The following MORN5 variants were observed in gnomAD, a reference collection of about 807,000 sequenced individuals.
MORN5 encodes MORN repeat-containing protein 5.
Under a neutral mutation model 22.1 loss-of-function variants are expected in MORN5, and 21 were observed. The ratio of observed to expected loss-of-function variants is 0.95; its 90% CI spans 0.67 to 1.37. The LOEUF is 1.37. MORN5 is among the 40% of genes most tolerant of loss of function. MORN5 has a pLI of 0.00. For synonymous variants in MORN5, 73 were observed against 74.0 expected, an observed-to-expected ratio of 0.99 and a Z score of 0.07; for missense variants, 211 against 215.1, an observed-to-expected ratio of 0.98 and a Z score of 0.12.
In MORN5 at chr9:122,170,697, G is replaced by C. The variant is rs1829352850; in HGVS notation, c.307+941G>C. Among the ~76,000 whole-genome samples the C allele has an allele frequency of 5.9e-5, 9 of 152,288 alleles. No individual in the cohort carries two copies. The South Asian group carries it at 1.9e-3, about 32-fold the overall frequency. On this transcript the variant is annotated intron_variant, in intron 3 of 4. Coordinates refer to ENST00000373764, the MANE Select transcript of MORN5 (RefSeq NM_198469.4). Reference sequence around the variant, plus strand: ...CACTGGTAGCCCAGTCTTCCTCTCTGAGGTCCTCTTTATCATGCTACCTCC... The same window carrying C: ...CACTGGTAGCCCAGTCTTCCTCTCTCAGGTCCTCTTTATCATGCTACCTCC...
intron 4 of MORN5, among the ~76,000 whole-genome samples, chr9:122,175,082 G>C (rs1829429419): frequency 6.6e-6 from 1 of 152,186 alleles, no homozygotes; most frequent in South Asian, 2.1e-4. Context: ...GAAAAACATG[G>C]TCCTGTGGGA....
chr9:122,176,894 A>C (rs1829460177), intron 4 of MORN5, among the ~76,000 whole-genome samples: 1 of 152,178 alleles, frequency 6.6e-6, no homozygotes, highest in South Asian at 2.1e-4. Flanking sequence ...TAAAAAGAAA[A>C]ATGGAAAGAA....
Position 122,197,318 on chromosome 9 carries a change from A to G in MORN5, c.440-2567A>G, listed in dbSNP as rs1829914793. On this transcript the variant is annotated intron_variant, in intron 4 of 4. Transcript: ENST00000373764. This position sits in a 1 kb window ranked among gnomAD's most constrained non-coding sequence, Gnocchi z 5.7. ...CTCCTACCAAAAAAGGGGAGAAATT[A>G]TCTGAGAAGGTGAAGATATTCTCAG... Among the ~76,000 whole-genome samples the G allele has an allele frequency of 6.6e-6, 1 of 152,166 alleles. No homozygotes were observed. Among genetic ancestry groups the G allele is most frequent in the Non-Finnish European group, 1.5e-5 (1 of 68,038 alleles).
At chr9:122,167,482 A>G (rs572738300) in intron 2 of MORN5, among the ~76,000 whole-genome samples, 1 of 149,894 alleles carries the variant, frequency 6.7e-6, no homozygotes, top group Non-Finnish European at 1.5e-5. Context: ...CCTCCTGAGT[A>G]GCTGGGATTA....
rs142423167 is a variant in MORN5, at chr9:122,199,786, G to A, written c.440-99G>A. 1,382 of 1,107,570 alleles carry A rather than the reference G, an allele frequency of 1.2e-3. 22 individuals are homozygous for A. In the East Asian group the frequency reaches 0.029, roughly 23 times the overall value. 68.6% of individuals were successfully genotyped at this position (1,107,570 alleles called of 1,614,324 possible). A position where few individuals can be genotyped will look rare whatever the true frequency, so the allele number is the denominator to read the frequency against. On this transcript the variant is annotated intron_variant, in intron 4 of 4. Coordinates refer to ENST00000373764, the MANE Select transcript of MORN5 (RefSeq NM_198469.4). ...AAAACTACACAGACTGGCCATCGAC[G>A]GACCATCCCAGTCCCAACGCCCCAC...
At chr9:122,160,120 C>A in intron 1 of MORN5, 101 bp downstream of exon 1, 1 of 1,073,404 alleles carries the variant, frequency 9.3e-7, no homozygotes, top group Non-Finnish European at 1.4e-6. Flanking sequence ...GGCACTTTCA[C>A]AAACTTGCCC....
chr9:122,166,693 G>C, intron 1 of MORN5, 75 bp from the exon 2 acceptor site: 1 of 1,382,478 alleles, frequency 7.2e-7, no homozygotes, highest in Non-Finnish European at 1.0e-6. Context: ...CGGGGTTCCT[G>C]CTCACTCTGT....
At chr9:122,192,391 G>T (rs143955044) in intron 4 of MORN5, among the ~76,000 whole-genome samples, 1 of 152,188 alleles carries the variant, frequency 6.6e-6, no homozygotes, top group Non-Finnish European at 1.5e-5. Flanking sequence ...GAGGCCACTC[G>T]CTCAAGGTCT....
At chr9:122,185,212 T>C (rs904184788) in intron 4 of MORN5, among the ~76,000 whole-genome samples, 4 of 151,162 alleles carry the variant, frequency 2.6e-5, no homozygotes, top group Middle Eastern at 3.4e-3. Context: ...CCCACCACCA[T>C]GTTCAGATAA....
intron 1 of MORN5, chr9:122,164,756 G>C (rs2118738172): frequency 2.4e-4 from 71 of 296,242 alleles, no homozygotes; most frequent in Non-Finnish European, 3.2e-4. Flanking sequence ...CAGGAGGGAA[G>C]GAGAAGAGGA....
intron 4 of MORN5, among the ~76,000 whole-genome samples, chr9:122,198,157 T>G (rs1415070197): frequency 6.6e-6 from 1 of 152,168 alleles, no homozygotes; most frequent in African/African-American, 2.4e-5. Flanking sequence ...ACTGGGCTGT[T>G]ACAAAGATCC....
intron 4 of MORN5, among the ~76,000 whole-genome samples, chr9:122,176,561 T>C (rs1373151744): frequency 6.6e-6 from 1 of 152,196 alleles, no homozygotes; most frequent in Non-Finnish European, 1.5e-5. Flanking sequence ...CTGCGTTATC[T>C]TGTATCAGTA....
intron 4 of MORN5, among the ~76,000 whole-genome samples, chr9:122,186,894 C>T (rs547405488): frequency 3.9e-5 from 6 of 152,310 alleles, no homozygotes; most frequent in Admixed American, 3.3e-4. Flanking sequence ...ACTGAAACCC[C>T]TCAGGTCCAG....
At chr9:122,185,580 T>C (rs1183821046) in intron 4 of MORN5, among the ~76,000 whole-genome samples, 1 of 151,920 alleles carries the variant, frequency 6.6e-6, no homozygotes, top group African/African-American at 2.4e-5. Flanking sequence ...CAGGATGGTC[T>C]CGATCTCCTG....
At chr9:122,173,891 C>A (rs1829404378) in intron 3 of MORN5, among the ~76,000 whole-genome samples, 1 of 152,226 alleles carries the variant, frequency 6.6e-6, no homozygotes, top group African/African-American at 2.4e-5. Context: ...AATGGAGCCA[C>A]AGAGCTGCTC....
At chr9:122,189,178 G>C (rs1463618399) in intron 4 of MORN5, among the ~76,000 whole-genome samples, 1 of 151,532 alleles carries the variant, frequency 6.6e-6, no homozygotes, top group Non-Finnish European at 1.5e-5. Context: ...CTGGGTGACA[G>C]AGCGAGACTC....
intron 4 of MORN5, among the ~76,000 whole-genome samples, chr9:122,177,388 C>T (rs945476148): frequency 6.6e-6 from 1 of 152,202 alleles, no homozygotes; most frequent in African/African-American, 2.4e-5. Context: ...CCACCATTGC[C>T]AAGTTAAGTA....
At chr9:122,171,298 T>C (rs1294739346) in intron 3 of MORN5, among the ~76,000 whole-genome samples, 1 of 152,188 alleles carries the variant, frequency 6.6e-6, no homozygotes, top group Non-Finnish European at 1.5e-5. Context: ...CCTTCCCAGC[T>C]TCATGACCTT....
At chr9:122,185,902 C>T (rs758056229) in intron 4 of MORN5, among the ~76,000 whole-genome samples, 3 of 152,146 alleles carry the variant, frequency 2.0e-5, no homozygotes, top group Non-Finnish European at 4.4e-5. Context: ...GCAAAATGGC[C>T]GAGTGAGACT....
Sources: allele counts gnomAD v4.1 joint callset (sites outside exome capture counted in the v4.1 genomes callset), GRCh38; gene constraint gnomAD v4.1.1; non-coding constraint Gnocchi (gnomAD v3.1); transcripts MANE v1.5; gene names NCBI Gene and HGNC (gene_info 2026-07-23, HGNC 2026-07-21).